MOSMO: variants seen among roughly 807,000 people sequenced by gnomAD.
MOSMO encodes the protein modulator of smoothened protein.
MOSMO carries 5 observed loss-of-function variants against 18.4 expected under a neutral mutation model. The ratio of observed to expected loss-of-function variants is 0.27; its 90% confidence interval spans 0.14 to 0.57. The LOEUF is 0.57. MOSMO is among the 20% of genes least tolerant of loss of function. MOSMO has a pLI of 0.92. For missense variants in MOSMO, 138 were observed against 211.8 expected (o/e 0.65, Z 2.16); for synonymous variants, 82 against 82.3 (o/e 1.00, Z 0.02).
rs151181565 is a variant in MOSMO, at chr16:22,045,069, C to T, written c.107-30418C>T. Among the ~76,000 whole-genome samples, 937 of 151,676 alleles carry T rather than the reference C, an allele frequency of 6.2e-3. 12 individuals carry two copies. The highest frequency in any genetic ancestry group is 0.017 in the Middle Eastern group (5 of 294). ...GTATGGTGGTACATGCCTGTAGTCC[C>T]GGCTACTCGTGAGGCTGAGGTGGGA... On this transcript the variant is annotated intron_variant, in intron 1 of 2. Coordinates refer to ENST00000542527, the MANE Select transcript of MOSMO (RefSeq NM_001164579.2).
chr16:22,052,951 CTTT>C (rs1198266671), intron 1 of MOSMO, among the ~76,000 whole-genome samples: 1 of 124,104 alleles, frequency 8.1e-6, no homozygotes, highest in Non-Finnish European at 1.7e-5. Flanking sequence ...CTCTCATCTT[CTTT>C]TTTTTTTTTT....
At chr16:22,056,869 C>A (rs1900549051) in intron 1 of MOSMO, among the ~76,000 whole-genome samples, 1 of 152,130 alleles carries the variant, frequency 6.6e-6, no homozygotes, top group Non-Finnish European at 1.5e-5. Flanking sequence ...TTTAGGGATA[C>A]CTTTAGTCCA....
intron 1 of MOSMO, among the ~76,000 whole-genome samples, chr16:22,013,159 C>T (rs1899567505): frequency 6.6e-6 from 1 of 152,102 alleles, no homozygotes; most frequent in African/African-American, 2.4e-5. Flanking sequence ...TTTTGAAGCA[C>T]TTTGACATCC....
intron 1 of MOSMO, among the ~76,000 whole-genome samples, chr16:22,035,978 G>A (rs1900099882): frequency 6.6e-6 from 1 of 152,032 alleles, no homozygotes; most frequent in African/African-American, 2.4e-5. Context: ...TATTGGTCTT[G>A]TATCCTGCAA....
intron 1 of MOSMO, among the ~76,000 whole-genome samples, chr16:22,009,249 G>T (rs1224039267): frequency 2.0e-5 from 3 of 152,090 alleles, no homozygotes; most frequent in Non-Finnish European, 2.9e-5. Context: ...TCACAAAAAC[G>T]CTGGAGAGCT....
chr16:22,020,760 A>G (rs182706172), intron 1 of MOSMO, among the ~76,000 whole-genome samples: 7 of 152,340 alleles, frequency 4.6e-5, no homozygotes, highest in African/African-American at 1.7e-4. Flanking sequence ...TTGCTTTACT[A>G]TTTGCATTTT....
intron 2 of MOSMO, among the ~76,000 whole-genome samples, chr16:22,079,449 T>C (rs1368366514): frequency 1.3e-5 from 2 of 152,242 alleles, no homozygotes; most frequent in African/African-American, 2.4e-5. Context: ...GTAAATAGTT[T>C]GTGTTCACTA....
At chr16:22,024,000 T>TATATATATAATATATATATATATA (rs1470834756) in intron 1 of MOSMO, among the ~76,000 whole-genome samples, 6 of 145,710 alleles carry the variant, frequency 4.1e-5, no homozygotes, top group Admixed American at 1.4e-4. Flanking sequence ...GTACAAATTA[T>TATATATATAATATATATATATATA]ATATATATAT....
chr16:22,040,703 G>A (rs1032562464), intron 1 of MOSMO, among the ~76,000 whole-genome samples: 3 of 152,210 alleles, frequency 2.0e-5, no homozygotes, highest in Non-Finnish European at 2.9e-5. Context: ...CATCTAAGCA[G>A]ATGGAGAAGA....
intron 1 of MOSMO, among the ~76,000 whole-genome samples, chr16:22,046,247 C>A (rs1427603601): frequency 6.6e-6 from 1 of 152,090 alleles, no homozygotes; most frequent in African/African-American, 2.4e-5. Context: ...CAACATGGTT[C>A]TTTTTTGTTT....
intron 1 of MOSMO, among the ~76,000 whole-genome samples, chr16:22,034,483 G>A (rs1185972564): frequency 2.0e-5 from 3 of 152,122 alleles, no homozygotes; most frequent in Non-Finnish European, 2.9e-5. Context: ...GGATACAGAA[G>A]TCTAGGTTCA....
chr16:22,034,852 TC>T (rs1034452371), intron 1 of MOSMO, among the ~76,000 whole-genome samples: 14 of 137,828 alleles, frequency 1.0e-4, no homozygotes, highest in African/African-American at 3.8e-4. Flanking sequence ...CACCTCAGCC[TC>T]CCAGGTAGCT....
At chr16:22,060,921 T>C (rs1487973266) in intron 1 of MOSMO, among the ~76,000 whole-genome samples, 1 of 151,502 alleles carries the variant, frequency 6.6e-6, no homozygotes, top group Admixed American at 6.6e-5. Context: ...TAGCAAACAG[T>C]TGGGTAGTTT....
chr16:22,008,248 C>G lies in MOSMO; in HGVS notation c.-54C>G. 8 of 1,104,740 alleles carry G rather than the reference C, an allele frequency of 7.2e-6. No homozygotes were observed. The South Asian group carries it at 1.2e-4, about 16-fold the overall frequency. The allele number at this position is 1,104,740 out of a possible 1,614,324, so 68.4% of individuals were successfully genotyped here. On this transcript the variant is annotated 5_prime_UTR_variant, in exon 1 of 3. Coordinates refer to ENST00000542527, the MANE Select transcript of MOSMO (RefSeq NM_001164579.2). ...CGGCGGCGGCCCATGGGGCGGGAGG[C>G]GTGAGGCCGCTGCCTGTCCGGGGCT...
At chr16:22,066,326 G>A (rs149267732) in intron 1 of MOSMO, among the ~76,000 whole-genome samples, 10 of 152,206 alleles carry the variant, frequency 6.6e-5, no homozygotes, top group Admixed American at 5.2e-4. Context: ...GAGGTATTGG[G>A]GTAACAAAAG....
At chr16:22,035,809 C>G (rs1427588241) in intron 1 of MOSMO, among the ~76,000 whole-genome samples, 1 of 152,074 alleles carries the variant, frequency 6.6e-6, no homozygotes, top group Non-Finnish European at 1.5e-5. Context: ...CGGAAGTTAC[C>G]TGCTTAGTTA....
At position 22,023,997 on chromosome 16, in the gene MOSMO, T is replaced by TTATA. The variant is rs72336979; in HGVS notation, c.106+15606_106+15609dup. On this transcript the variant is annotated intron_variant, in intron 1 of 2. Coordinates refer to ENST00000542527, the MANE Select transcript of MOSMO (RefSeq NM_001164579.2). ...ATGCTGCTATAGAATTTTGTACAAA[T>TTATA]TATATATATATATATATATTTTCTT... is the stretch of plus-strand genomic sequence containing the variant. 6.5e-4 allele frequency among the ~76,000 whole-genome samples: 82 copies of TTATA among 126,364 alleles called. 3 individuals carry two copies. Among genetic ancestry groups the TTATA allele is most frequent in the East Asian group, 3.1e-3 (15 of 4,790 alleles). 82.9% of individuals were successfully genotyped at this position (126,364 alleles called of 152,430 possible). A position where few individuals can be genotyped will look rare whatever the true frequency, so the allele number is the denominator to read the frequency against.
intron 1 of MOSMO, among the ~76,000 whole-genome samples, chr16:22,066,528 G>C: frequency 6.6e-6 from 1 of 152,176 alleles, no homozygotes. Context: ...AGCAGGAAGT[G>C]AGGGCCAAGG....
intron 2 of MOSMO, among the ~76,000 whole-genome samples, chr16:22,077,879 G>A (rs912392605): frequency 6.6e-6 from 1 of 151,998 alleles, no homozygotes; most frequent in Non-Finnish European, 1.5e-5. Flanking sequence ...GAGTGGCTGG[G>A]GTGACAGTTC....
Sources: allele counts gnomAD v4.1 joint callset (sites outside exome capture counted in the v4.1 genomes callset), GRCh38; gene constraint gnomAD v4.1.1; transcripts MANE v1.5; gene names NCBI Gene and HGNC (gene_info 2026-07-23, HGNC 2026-07-21).